The following SLC1A1 variants were observed in gnomAD, a reference collection of about 807,000 sequenced individuals.
The protein encoded by SLC1A1 is solute carrier family 1 member 1.
A neutral mutation model predicts 53.3 loss-of-function variants in SLC1A1; 43 were observed. The observed-to-expected ratio is 0.81, with a 90% CI of 0.63 to 1.04. The LOEUF is 1.04. SLC1A1 is among the 50% of genes least tolerant of loss of function. The pLI is 0.00. For missense variants in SLC1A1, 748 were observed against 664.9 expected, an observed-to-expected ratio of 1.12 and a Z score of -1.37; for synonymous variants, 307 against 243.2, an observed-to-expected ratio of 1.26 and a Z score of -2.44.
At chr9:4,494,788 A>G (rs1459457890) in intron 1 of SLC1A1, among the ~76,000 whole-genome samples, 2 of 152,122 alleles carry the variant, frequency 1.3e-5, no homozygotes, top group Non-Finnish European at 2.9e-5. Context: ...AATAATGATT[A>G]TATAGTATAT....
At chr9:4,571,772 C>T (rs1269775645) in intron 6 of SLC1A1, among the ~76,000 whole-genome samples, 7 of 152,152 alleles carry the variant, frequency 4.6e-5, no homozygotes, top group Non-Finnish European at 1.0e-4. Flanking sequence ...CAGGGTAAAA[C>T]AGAAGGTAAA....
intron 1 of SLC1A1, among the ~76,000 whole-genome samples, chr9:4,498,910 A>G (rs998580626): frequency 1.4e-5 from 2 of 147,086 alleles, no homozygotes; most frequent in Non-Finnish European, 3.0e-5. Flanking sequence ...TATTACATGT[A>G]TACATACATA....
chr9:4,518,797 G>A (rs1277487444), intron 1 of SLC1A1, among the ~76,000 whole-genome samples: 1 of 152,188 alleles, frequency 6.6e-6, no homozygotes. Flanking sequence ...AAGTGACAGG[G>A]AAGGAAGAAA....
chr9:4,505,854 G>A (rs1820790266), intron 1 of SLC1A1, among the ~76,000 whole-genome samples: 1 of 151,918 alleles, frequency 6.6e-6, no homozygotes, highest in Non-Finnish European at 1.5e-5. Flanking sequence ...GGGATGGAGA[G>A]TCTCTGTCAC....
At chr9:4,527,199 G>C (rs1816294141) in intron 1 of SLC1A1, among the ~76,000 whole-genome samples, 1 of 152,142 alleles carries the variant, frequency 6.6e-6, no homozygotes, top group Admixed American at 6.5e-5. Context: ...CCTGAGAACA[G>C]CATCATGAGC....
At chr9:4,533,756 T>A (rs1274922571) in intron 1 of SLC1A1, among the ~76,000 whole-genome samples, 1 of 152,158 alleles carries the variant, frequency 6.6e-6, no homozygotes, top group East Asian at 1.9e-4. Flanking sequence ...ATCAACAGAA[T>A]ATACATTCTT....
At chr9:4,518,183 C>A (rs558904185) in intron 1 of SLC1A1, among the ~76,000 whole-genome samples, 3 of 136,752 alleles carry the variant, frequency 2.2e-5, no homozygotes, top group African/African-American at 8.2e-5. Flanking sequence ...TGCAGTGAGC[C>A]GAGATCTCAC....
intron 1 of SLC1A1, among the ~76,000 whole-genome samples, chr9:4,492,500 G>T (rs1357259770): frequency 6.8e-6 from 1 of 147,548 alleles, no homozygotes; most frequent in Admixed American, 6.8e-5. Flanking sequence ...AAAAAAAAAG[G>T]AAAAGGACTT....
chr9:4,531,213 G>C (rs1470669630), intron 1 of SLC1A1, among the ~76,000 whole-genome samples: 1 of 152,204 alleles, frequency 6.6e-6, no homozygotes, highest in Admixed American at 6.5e-5. Flanking sequence ...GTGGGTGCAG[G>C]ACAGTGGGTG....
At chr9:4,569,815 T>C (rs1819853773) in intron 6 of SLC1A1, among the ~76,000 whole-genome samples, 1 of 152,188 alleles carries the variant, frequency 6.6e-6, no homozygotes, top group Non-Finnish European at 1.5e-5. Context: ...TGCCTTTTGA[T>C]GTTGTTCCAC....
intron 2 of SLC1A1, among the ~76,000 whole-genome samples, chr9:4,560,891 G>C (rs2129663369): frequency 6.6e-6 from 1 of 152,218 alleles, no homozygotes; most frequent in East Asian, 1.9e-4. Flanking sequence ...AGCTACTCGG[G>C]AAGCTGAGGA....
At chr9:4,560,187 GT>G (rs1213033910) in intron 2 of SLC1A1, 1 of 152,158 alleles carries the variant, frequency 6.6e-6, no homozygotes. Flanking sequence ...ACACAATAAG[GT>G]TGTTTACACA....
Position 4,567,913 on chromosome 9 carries a change from C to T in SLC1A1, c.582+146C>T, listed in dbSNP as rs927963127. On this transcript the variant is annotated intron_variant, in intron 6 of 11. Coordinates refer to ENST00000262352, the MANE Select transcript of SLC1A1 (RefSeq NM_004170.6). ...AAAATTTATGTGTGACCCCAAAATC[C>T]ATACTTAAGGGGCTTTCATGGTCAT... 9.9e-6 allele frequency: 7 copies of T among 705,956 alleles called. No individual in the cohort carries two copies. The African/African-American group carries it at 1.2e-4, about 12-fold the overall frequency. The allele number at this position is 705,956 out of a possible 1,614,324, so 43.7% of individuals were successfully genotyped here.
chr9:4,554,716 A>C (rs1195497453), intron 2 of SLC1A1, among the ~76,000 whole-genome samples: 1 of 152,206 alleles, frequency 6.6e-6, no homozygotes, highest in Non-Finnish European at 1.5e-5. Context: ...GGCCAAGGTA[A>C]GGATTTTTTC....
At chr9:4,492,479 CAAAA>C (rs34199207) in intron 1 of SLC1A1, among the ~76,000 whole-genome samples, 28 of 96,326 alleles carry the variant, frequency 2.9e-4, no homozygotes, top group African/African-American at 7.2e-4. Flanking sequence ...AAGAATCCAC[CAAAA>C]AAAAAAAAAA....
chr9:4,572,886 G>A (rs899288962), intron 7 of SLC1A1, among the ~76,000 whole-genome samples: 2 of 152,074 alleles, frequency 1.3e-5, no homozygotes, highest in Non-Finnish European at 2.9e-5. Flanking sequence ...TATTACCCAG[G>A]AGTTAGTTCA....
At chr9:4,505,021 G>C (rs1586693767) in intron 1 of SLC1A1, among the ~76,000 whole-genome samples, 1 of 150,816 alleles carries the variant, frequency 6.6e-6, no homozygotes, top group South Asian at 2.1e-4. Context: ...TGTGCGATGT[G>C]GGGGTGTATG....
chr9:4,573,071 T>G (rs1028086164), intron 7 of SLC1A1, among the ~76,000 whole-genome samples: 12 of 152,196 alleles, frequency 7.9e-5, no homozygotes, highest in Non-Finnish European at 1.5e-4. Flanking sequence ...AAAGTGAGTT[T>G]CAAAATATTT....
Position 4,561,547 on chromosome 9 carries a change from A to T in SLC1A1, c.325+6A>T. On this transcript the variant is annotated splice_donor_region_variant and intron_variant, in intron 3 of 11. Transcript: ENST00000262352. Reference sequence around the variant, plus strand: ...TCTCATTGCTGTTATTCTAGGTAATACTTATTTCTGAATCCTTACTACTTT... The same window carrying T: ...TCTCATTGCTGTTATTCTAGGTAATTCTTATTTCTGAATCCTTACTACTTT... 6.7e-7 allele frequency: 1 copy of T among 1,493,068 alleles called. No individual in the cohort carries two copies. The highest frequency in any genetic ancestry group is 1.4e-5 in the African/African-American group (1 of 72,544). 92.5% of individuals were successfully genotyped at this position (1,493,068 alleles called of 1,614,324 possible). A position where few individuals can be genotyped will look rare whatever the true frequency, so the allele number is the denominator to read the frequency against.
Sources: gnomAD v4.1 joint callset for allele counts (sites outside exome capture counted in the v4.1 genomes callset) on GRCh38, gnomAD v4.1.1 for gene constraint, MANE v1.5 for transcripts, NCBI Gene and HGNC (gene_info 2026-07-23, HGNC 2026-07-21) for gene names.